The following JDP2 variants were observed in gnomAD, a reference collection of about 807,000 sequenced individuals.
JDP2 encodes Jun dimerization protein 2.
In JDP2, 9 loss-of-function variants were observed where a neutral mutation model predicts 17.1. That is an observed-to-expected ratio of 0.53 (90% CI 0.32 to 0.92). JDP2 has a LOEUF of 0.92. JDP2 is among the 40% of genes least tolerant of loss of function. The pLI, the probability that JDP2 is intolerant of heterozygous loss-of-function variation, is 0.04. For synonymous variants in JDP2, 107 were observed against 95.6 expected (o/e 1.12, Z -0.69); for missense variants, 179 against 220.0 (o/e 0.81, Z 1.18).
At chr14:75,447,185 C>T (rs140794825) in intron 2 of JDP2, among the ~76,000 whole-genome samples, 4 of 152,324 alleles carry the variant, frequency 2.6e-5, no homozygotes, top group Admixed American at 6.5e-5. Flanking sequence ...GGTGTTCTAA[C>T]CTGTAGCCAT....
intron 3 of JDP2, among the ~76,000 whole-genome samples, chr14:75,465,629 C>T (rs1886539759): frequency 1.3e-5 from 2 of 152,164 alleles, no homozygotes. Flanking sequence ...CATGCCCAGC[C>T]AATTCAAACA....
At chr14:75,439,679 T>C (rs8013023) in intron 2 of JDP2, among the ~76,000 whole-genome samples, 17,590 of 152,260 alleles carry the variant, frequency 0.12, 3,049 homozygotes, top group African/African-American at 0.38. Flanking sequence ...TGTGAGTTGA[T>C]GGTGATTACA....
At chr14:75,454,327 G>A (rs922347367) in intron 2 of JDP2, among the ~76,000 whole-genome samples, 6 of 152,216 alleles carry the variant, frequency 3.9e-5, no homozygotes, top group African/African-American at 9.7e-5. Context: ...CAGGCCCTGC[G>A]GCCCAAAGAC....
intron 2 of JDP2, among the ~76,000 whole-genome samples, chr14:75,441,671 G>A (rs138673180): frequency 1.3e-3 from 203 of 152,360 alleles, no homozygotes; most frequent in African/African-American, 4.0e-3. Flanking sequence ...CCCTGGGAAC[G>A]TCATTTCCTG....
intron 2 of JDP2, among the ~76,000 whole-genome samples, chr14:75,457,531 GCA>G (rs1475543475): frequency 6.6e-6 from 1 of 152,262 alleles, no homozygotes; most frequent in African/African-American, 2.4e-5. Context: ...GGGTGATGCA[GCA>G]CAGTTTCAAT....
intron 2 of JDP2, among the ~76,000 whole-genome samples, chr14:75,460,127 G>A (rs1005278308): frequency 1.1e-4 from 17 of 152,188 alleles, no homozygotes; most frequent in East Asian, 3.8e-4. Flanking sequence ...TACTAATGGA[G>A]CAATAACAAC....
rs1308759919 is a variant in JDP2, at chr14:75,428,079, G to GGCGGCGGACGCTGCA, written c.-189_-175dup. The GGCGGCGGACGCTGCA allele has an allele frequency of 6.8e-6, 1 of 147,902 alleles. No homozygotes were observed. The highest frequency in any genetic ancestry group is 2.4e-5 in the African/African-American group (1 of 40,866). 9.2% of individuals were successfully genotyped at this position (147,902 alleles called of 1,614,324 possible). A position where few individuals can be genotyped will look rare whatever the true frequency, so the allele number is the denominator to read the frequency against. The stretch of plus-strand genomic sequence containing the variant: ...GGCGGCCGCGACGGGGGGCGCTGGC[G>GGCGGCGGACGCTGCA]GCGGCGGACGCTGCAGCGGCGGCGG... On this transcript the variant is annotated 5_prime_UTR_variant, in exon 1 of 4. Coordinates refer to ENST00000651602, the MANE Select transcript of JDP2 (RefSeq NM_001135048.2). This position sits in a 1 kb window ranked among gnomAD's most constrained non-coding sequence, Gnocchi z 5.6.
chr14:75,453,441 T>C (rs1190035425), intron 2 of JDP2, among the ~76,000 whole-genome samples: 9 of 152,174 alleles, frequency 5.9e-5, no homozygotes, highest in Admixed American at 5.9e-4. Flanking sequence ...TGCTCCTCCC[T>C]CTCCGCAGTA....
chr14:75,462,053 C>A (rs964325839), intron 3 of JDP2, among the ~76,000 whole-genome samples: 6 of 152,246 alleles, frequency 3.9e-5, no homozygotes, highest in African/African-American at 1.4e-4. Flanking sequence ...AGGTGACCTC[C>A]AAGCTCTTTG....
intron 2 of JDP2, among the ~76,000 whole-genome samples, chr14:75,440,266 T>C (rs1415471206): frequency 6.6e-6 from 1 of 152,192 alleles, no homozygotes; most frequent in African/African-American, 2.4e-5. Context: ...CAGATGGAGC[T>C]GCGAGATTGT....
intron 2 of JDP2, among the ~76,000 whole-genome samples, chr14:75,458,156 G>A (rs917585566): frequency 2.0e-5 from 3 of 151,956 alleles, no homozygotes; most frequent in Non-Finnish European, 4.4e-5. Context: ...CACCAAAAAA[G>A]CAGCGGATTC....
chr14:75,430,560 G>T lies in JDP2; in HGVS notation c.-24+2308G>T, dbSNP rs546353962. Among the ~76,000 whole-genome samples the T allele has an allele frequency of 3.3e-5, 5 of 152,246 alleles. No individual in the cohort carries two copies. The South Asian group carries it at 6.2e-4, about 19-fold the overall frequency. On this transcript the variant is annotated intron_variant, in intron 1 of 3. Coordinates refer to ENST00000651602, the MANE Select transcript of JDP2 (RefSeq NM_001135048.2). The surrounding 1 kb of genome is among the most constrained non-coding windows in gnomAD (Gnocchi z 4.5). ...TATTTTTCCATTTTCCTTTAATTAAGGCTCTGTGGAGGTGTGTTTGAAAAC... is the reference window on the plus strand; with the variant it reads ...TATTTTTCCATTTTCCTTTAATTAATGCTCTGTGGAGGTGTGTTTGAAAAC...
intron 2 of JDP2, among the ~76,000 whole-genome samples, chr14:75,453,670 A>G (rs1232527673): frequency 6.6e-6 from 1 of 152,166 alleles, no homozygotes; most frequent in Non-Finnish European, 1.5e-5. Flanking sequence ...CAGAGAGGCC[A>G]AGTAACTTGC....
At chr14:75,453,703 C>T (rs1566743686) in intron 2 of JDP2, among the ~76,000 whole-genome samples, 2 of 152,226 alleles carry the variant, frequency 1.3e-5, no homozygotes, top group Non-Finnish European at 1.5e-5. Context: ...AGCTGGTCTA[C>T]AGCAGAGCTT....
At chr14:75,451,095 T>C (rs1566742421) in intron 2 of JDP2, among the ~76,000 whole-genome samples, 1 of 152,134 alleles carries the variant, frequency 6.6e-6, no homozygotes, top group Non-Finnish European at 1.5e-5. Context: ...CAACAGGTGG[T>C]AAGACCACAG....
At chr14:75,452,073 T>G (rs964043695) in intron 2 of JDP2, among the ~76,000 whole-genome samples, 15 of 152,198 alleles carry the variant, frequency 9.9e-5, no homozygotes, top group African/African-American at 3.6e-4. Flanking sequence ...TGTACACCAC[T>G]GTGCCCAGCT....
chr14:75,445,709 A>G, intron 2 of JDP2: 10 of 506,602 alleles, frequency 2.0e-5, no homozygotes, highest in Non-Finnish European at 2.5e-5. Flanking sequence ...AAAACTAGAA[A>G]ACTCTTAGAA....
rs753474298 is a variant in JDP2 at position 75,461,448 on chromosome 14, G to C, written c.224G>C (p.Arg75Thr). 1.9e-5 allele frequency: 31 copies of C among 1,608,772 alleles called. No homozygotes were observed. Among genetic ancestry groups the C allele is most frequent in the Admixed American group, 3.4e-5 (2 of 59,234 alleles). Residue 75 changes from arginine (R) to threonine (T), a missense_variant, in exon 3 of 4, where the codon AGG (arginine) becomes ACG (threonine). Arg to Thr is a moderately conservative substitution (Grantham distance 71). Coordinates refer to ENST00000651602, the MANE Select transcript of JDP2 (RefSeq NM_001135048.2). The part of the protein sequence containing the change: ...KSELDEEEER[R>T]KRRREKNKVA... ...CAGCTAGATGAGGAAGAGGAGCGAA[G>C]GAAAAGGCGCCGGGAGAAGAACAAA...
At chr14:75,436,910 G>A (rs117731880) in intron 1 of JDP2, among the ~76,000 whole-genome samples, 3,254 of 152,300 alleles carry the variant, frequency 0.021, 54 homozygotes, top group Non-Finnish European at 0.033. Context: ...GAACATGGAG[G>A]TAGCCGGGCG....
Sources: gnomAD v4.1 joint callset for allele counts (sites outside exome capture counted in the v4.1 genomes callset) on GRCh38, gnomAD v4.1.1 for gene constraint, Gnocchi (gnomAD v3.1) non-coding constraint, MANE v1.5 for transcripts, NCBI Gene and HGNC (gene_info 2026-07-23, HGNC 2026-07-21) for gene names.